The following KNTC1 variants were observed in gnomAD, a reference collection of about 807,000 sequenced individuals.
The protein encoded by KNTC1 is kinetochore associated 1.
In KNTC1, 253 loss-of-function variants were observed where a neutral mutation model predicts 314.4. That is an observed-to-expected ratio of 0.80 (90% CI 0.73 to 0.89). KNTC1 has a LOEUF of 0.89. Among genes scored for constraint, KNTC1 ranks in the 40% least tolerant of loss-of-function variants. The pLI, the probability that KNTC1 is intolerant of heterozygous loss-of-function variation, is 0.00. For synonymous variants in KNTC1, 901 were observed against 901.4 expected (o/e 1.00, Z 0.01); for missense variants, 2,475 against 2,572.9 (o/e 0.96, Z 0.82).
intron 44 of KNTC1, among the ~76,000 whole-genome samples, chr12:122,599,452 C>T (rs1291492367): frequency 6.6e-6 from 1 of 151,818 alleles, no homozygotes; most frequent in East Asian, 1.9e-4. Context: ...CCTCTGCCTC[C>T]TGGGTTCTCC....
chr12:122,618,103 C>T (rs1873964327), intron 57 of KNTC1, among the ~76,000 whole-genome samples: 1 of 152,166 alleles, frequency 6.6e-6, no homozygotes, highest in Non-Finnish European at 1.5e-5. Flanking sequence ...TCCCGAGTAG[C>T]TGGGATTACA....
intron 34 of KNTC1, 61 bp downstream of exon 34, chr12:122,583,046 T>G: frequency 6.8e-7 from 1 of 1,466,910 alleles, no homozygotes; most frequent in South Asian, 1.3e-5. Context: ...GCACGGTAAC[T>G]CATACCTGTA....
intron 16 of KNTC1, among the ~76,000 whole-genome samples, chr12:122,553,109 A>G (rs2137789463): frequency 1.3e-5 from 2 of 151,700 alleles, no homozygotes; most frequent in Middle Eastern, 6.8e-3. Context: ...GTGAGCCAAG[A>G]TCACACCACT....
At chr12:122,562,849 A>T (rs999089743) in intron 20 of KNTC1, 150 bp downstream of exon 20, 1 of 538,634 alleles carries the variant, frequency 1.9e-6, no homozygotes, top group African/African-American at 1.9e-5. Context: ...ATCTCTACTA[A>T]AATACAAAAA....
chr12:122,560,306 C>T (rs1963890924), intron 18 of KNTC1, among the ~76,000 whole-genome samples: 1 of 152,120 alleles, frequency 6.6e-6, no homozygotes, highest in African/African-American at 2.4e-5. Context: ...GTACAGATGT[C>T]TATTTGAGTC....
intron 34 of KNTC1, 129 bp from the exon 35 acceptor site, chr12:122,584,149 A>G (rs916185656): frequency 1.8e-5 from 13 of 723,460 alleles, no homozygotes; most frequent in Non-Finnish European, 2.8e-5. Context: ...AAACTACACT[A>G]TATACCATGA....
intron 2 of KNTC1, among the ~76,000 whole-genome samples, chr12:122,534,442 C>G (rs756952072): frequency 5.3e-5 from 8 of 152,176 alleles, no homozygotes; most frequent in Non-Finnish European, 1.0e-4. Context: ...ATCCTTTGCC[C>G]TTCCTGCTCA....
intron 50 of KNTC1, 51 bp from the exon 51 acceptor site, chr12:122,605,255 T>C: frequency 8.1e-7 from 1 of 1,233,276 alleles, no homozygotes; most frequent in Non-Finnish European, 1.2e-6. Context: ...AAGTATTCAA[T>C]ATAAATATTT....
At chr12:122,554,076 A>AAAAAAAATATATATATATATATAT (rs370146333) in intron 16 of KNTC1, among the ~76,000 whole-genome samples, 1 of 109,064 alleles carries the variant, frequency 9.2e-6, no homozygotes, top group African/African-American at 3.9e-5. Context: ...AAAAAAAAAA[A>AAAAAAAATATATATATATATATAT]ATATATATAT....
At position 122,622,039 on chromosome 12, in the gene KNTC1, C is replaced by A. The variant is rs1566024366; in HGVS notation, c.6369+69C>A. Reference sequence around the variant, plus strand: ...ACTAGAAGGTAGTCATTTTCCCAAACCAAGAGTAAGCTGAAAACTGCTATG... The same window carrying A: ...ACTAGAAGGTAGTCATTTTCCCAAAACAAGAGTAAGCTGAAAACTGCTATG... On this transcript the variant is annotated intron_variant, in intron 61 of 63. Transcript: ENST00000333479. The A allele has an allele frequency of 9.1e-6, 10 of 1,103,496 alleles. No individual in the cohort carries two copies. In the East Asian group the frequency reaches 2.0e-4, roughly 23 times the overall value. The allele number at this position is 1,103,496 out of a possible 1,614,324, so 68.4% of individuals were successfully genotyped here.
Position 122,562,697 on chromosome 12 carries a change from C to G in KNTC1, c.1602C>G (p.Phe534Leu). The change falls in exon 20 of 64, where the codon TTC becomes TTG. Residue 534 changes from phenylalanine (F) to leucine (L), a missense_variant and splice_region_variant. By Grantham distance (22) the Phe-to-Leu change is conservative. Coordinates refer to ENST00000333479, the MANE Select transcript of KNTC1 (RefSeq NM_014708.6). ...ATGGAGCATTTGGACCAGAAAAATT[C>G]AGGTGTGTACATTTTTGTTAAAACT... The part of the protein sequence containing the change: ...TFYGAFGPEK[F>L]SGSSWIEFLN... 1 of 1,603,654 alleles carries G rather than the reference C, an allele frequency of 6.2e-7. No homozygotes were observed. The highest frequency in any genetic ancestry group is 8.5e-7 in the Non-Finnish European group (1 of 1,171,478).
chr12:122,609,087 T>A, intron 51 of KNTC1: 1 of 310,106 alleles, frequency 3.2e-6, no homozygotes, highest in South Asian at 5.1e-5. Context: ...AAAATAAAAA[T>A]CCAATGCATG....
rs1367990748 is a variant in KNTC1, at chr12:122,580,622, C to T, written c.2934C>T (p.Asp978=). 6.4e-7 allele frequency: 1 copy of T among 1,568,142 alleles called. No individual in the cohort carries two copies. The highest frequency in any genetic ancestry group is 8.7e-7 in the Non-Finnish European group (1 of 1,154,268). ...DIQKDNLQKK[D]ECEEMLKLFK... ...TTACAGACAATCTGCAGAAGAAGGA[C>T]GAATGTGAAGAAATGTTGAAACTAT... Residue 978 remains aspartate, a synonymous_variant, in exon 33 of 64, where the codon GAC becomes GAT. Coordinates refer to ENST00000333479, the MANE Select transcript of KNTC1 (RefSeq NM_014708.6).
intron 29 of KNTC1, 78 bp from the exon 30 acceptor site, chr12:122,576,817 C>T: frequency 8.2e-7 from 1 of 1,223,728 alleles, no homozygotes. Context: ...TTTTTTGCCA[C>T]TTTGCTCTTA....
rs145697544 is a variant in KNTC1, at chr12:122,530,203, T to A, written c.129+11T>A. The A allele has an allele frequency of 2.0e-4, 319 of 1,610,056 alleles. No homozygotes were observed. Among genetic ancestry groups the A allele is most frequent in the Middle Eastern group, 9.9e-4 (6 of 6,040 alleles). On this transcript the variant is annotated intron_variant, in intron 2 of 63. Transcript: ENST00000333479. ...ATCTCTTCTGAAAAGGTAGTGATTA[T>A]TACACTGACTGTTTCATTCACAGAA...
intron 20 of KNTC1, among the ~76,000 whole-genome samples, chr12:122,567,820 A>G (rs1469381224): frequency 6.6e-6 from 1 of 152,118 alleles, no homozygotes; most frequent in Non-Finnish European, 1.5e-5. Flanking sequence ...CCTGGGTGAC[A>G]GTGAGACTCC....
At chr12:122,601,819 A>G in intron 45 of KNTC1, 194 bp downstream of exon 45, 2 of 520,144 alleles carry the variant, frequency 3.8e-6, no homozygotes, top group South Asian at 3.8e-5. Context: ...CTATTTTATC[A>G]CTTATCTTCA....
chr12:122,546,927 G>T (rs1962815478), intron 10 of KNTC1, among the ~76,000 whole-genome samples: 1 of 150,980 alleles, frequency 6.6e-6, no homozygotes, highest in Admixed American at 6.6e-5. Flanking sequence ...CCACCTCCCG[G>T]GTTCAAGCGA....
chr12:122,532,179 G>A (rs1290713325), intron 2 of KNTC1, among the ~76,000 whole-genome samples: 4 of 149,080 alleles, frequency 2.7e-5, no homozygotes, highest in Non-Finnish European at 4.4e-5. Context: ...GATTATAGGC[G>A]CCTGCCACCA....
Sources: allele counts gnomAD v4.1 joint callset (sites outside exome capture counted in the v4.1 genomes callset), GRCh38; gene constraint gnomAD v4.1.1; transcripts MANE v1.5; gene names NCBI Gene and HGNC (gene_info 2026-07-23, HGNC 2026-07-21).